MMACHC: variants seen among roughly 807,000 people sequenced by gnomAD.
MMACHC encodes the protein metabolism of cobalamin associated C.
Under a neutral mutation model 17.6 loss-of-function variants are expected in MMACHC, and 14 were observed. The ratio of observed to expected loss-of-function variants is 0.80; its 90% CI spans 0.53 to 1.25. The LOEUF is 1.25. MMACHC is among the 50% of genes most tolerant of loss of function. The pLI is 0.00. For synonymous variants in MMACHC, 151 were observed against 142.1 expected, an observed-to-expected ratio of 1.06 and a Z score of -0.45; for missense variants, 392 against 364.5, an observed-to-expected ratio of 1.08 and a Z score of -0.62.
intron 1 of MMACHC, among the ~76,000 whole-genome samples, chr1:45,503,432 T>C (rs1018028240): frequency 9.0e-5 from 1 of 11,144 alleles, no homozygotes; most frequent in Non-Finnish European, 1.3e-4. Context: ...AACTCTCTGC[T>C]TTTTTTTTTT....
In MMACHC at chr1:45,510,198, A is replaced by G. The variant is rs1224543572; in HGVS notation, c.*983A>G. 3 of 152,172 alleles carry G rather than the reference A, an allele frequency of 2.0e-5. No homozygotes were observed. The highest frequency in any genetic ancestry group is 1.3e-4 in the Admixed American group (2 of 15,266). The allele number at this position is 152,172 out of a possible 1,614,324, so 9.4% of individuals were successfully genotyped here. A position where few individuals can be genotyped will look rare whatever the true frequency, so the allele number is the denominator to read the frequency against. ...TTGGCCATTACCAAAGGCCCTGGGA[A>G]TTCTGTACTGCTGCTCATGGGTGTA... On this transcript the variant is annotated 3_prime_UTR_variant, in exon 4 of 4. Coordinates refer to ENST00000401061, the MANE Select transcript of MMACHC (RefSeq NM_015506.3).
In MMACHC at chr1:45,512,789, G is replaced by A. The variant is rs1469452154; in HGVS notation, c.*3574G>A. ...CTCCCACAAGGGGGCAGTCTCAGCA[G>A]GTGTCAGCTGAGCCATGTGTCATCT... On this transcript the variant is annotated 3_prime_UTR_variant, in exon 4 of 4. Transcript: ENST00000401061. 1 of 152,232 alleles carries A rather than the reference G, an allele frequency of 6.6e-6. No homozygotes were observed. Among genetic ancestry groups the A allele is most frequent in the African/African-American group, 2.4e-5 (1 of 41,436 alleles). 9.4% of individuals were successfully genotyped at this position (152,232 alleles called of 1,614,324 possible). A position where few individuals can be genotyped will look rare whatever the true frequency, so the allele number is the denominator to read the frequency against.
At chr1:45,508,408 G>A (rs767673924) in intron 3 of MMACHC, 44 bp downstream of exon 3, 2 of 1,606,690 alleles carry the variant, frequency 1.2e-6, no homozygotes, top group Admixed American at 3.3e-5. Context: ...GACTGGTAAA[G>A]GCCTCTCCCT....
rs1432739779 is a variant in MMACHC, at chr1:45,510,096, CCTACCTCAGGTAGGGA to C, written c.*884_*899del. On this transcript the variant is annotated 3_prime_UTR_variant, in exon 4 of 4. Transcript: ENST00000401061. Reference sequence around the variant, plus strand: ...TGTCTCAAAAAAAAAAAAAAAAGTACCTACCTCAGGTAGGGACTGAATAAACACGTGTAAGGCACTT... The same window carrying C: ...TGTCTCAAAAAAAAAAAAAAAAGTACCTGAATAAACACGTGTAAGGCACTT... The C allele has an allele frequency of 1.3e-5, 2 of 150,288 alleles. No homozygotes were observed. The highest frequency in any genetic ancestry group is 3.0e-5 in the Non-Finnish European group (2 of 67,660). The allele number at this position is 150,288 out of a possible 1,614,324, so 9.3% of individuals were successfully genotyped here.
rs1305170860 is a variant in MMACHC at position 45,508,909 on chromosome 1, CTG to C, written c.547_548del (p.Val183ThrfsTer5). 3.1e-6 allele frequency: 5 copies of C among 1,614,220 alleles called. No homozygotes were observed. Among genetic ancestry groups the C allele is most frequent in the Middle Eastern group, 1.6e-4 (1 of 6,062 alleles). ...PDLPPRKPHDCVPTRADRIAL... is the reference protein window; with the variant it reads ...PDLPPRKPHDXVPTRADRIAL... ...ATCTGCCACCCAGAAAACCTCATGA[CTG>C]TGTACCTACAAGAGCTGACCGTATC... On this transcript the variant is annotated frameshift_variant, in exon 4 of 4. Transcript: ENST00000401061. LOFTEE classifies it low-confidence loss of function (END_TRUNC).
chr1:45,503,282 C>T (rs577798346), intron 1 of MMACHC, among the ~76,000 whole-genome samples: 120 of 151,948 alleles, frequency 7.9e-4, no homozygotes, highest in Non-Finnish European at 1.1e-3. Flanking sequence ...CCTGTAATCC[C>T]GGCTACTCGG....
In MMACHC at chr1:45,508,847, C is replaced by G. The variant is rs370596113; in HGVS notation, c.481C>G (p.Arg161Gly). ...HPRFGGWFAI[R>G]GVVLLPGIEV... ...CCGATTTGGGGGCTGGTTTGCCATC[C>G]GAGGGGTAGTGCTGCTGCCAGGGAT... The change falls in exon 4 of 4, where the codon CGA becomes GGA. Residue 161 changes from arginine (R) to glycine (G), a missense_variant. By Grantham distance (125) the Arg-to-Gly change is moderately radical. Coordinates refer to ENST00000401061, the MANE Select transcript of MMACHC (RefSeq NM_015506.3). The G allele has an allele frequency of 3.7e-6, 6 of 1,614,020 alleles. No homozygotes were observed. In the African/African-American group the frequency reaches 8.0e-5, roughly 22 times the overall value.
intron 3 of MMACHC, 29 bp downstream of exon 3, chr1:45,508,393 A>C (rs1466825239): frequency 6.2e-7 from 1 of 1,613,376 alleles, no homozygotes; most frequent in Non-Finnish European, 8.5e-7. Flanking sequence ...ATAGAGGCTG[A>C]GATAGACTGG....
In MMACHC at chr1:45,509,468, C is replaced by T; in HGVS notation, c.*253C>T. ...TTACTCTGTCACCTAGGCTGGAGTG[C>T]AGTGGCACAGTCTCTACTCACTGCA... On this transcript the variant is annotated 3_prime_UTR_variant, in exon 4 of 4. Coordinates refer to ENST00000401061, the MANE Select transcript of MMACHC (RefSeq NM_015506.3). 1 of 423,520 alleles carries T rather than the reference C, an allele frequency of 2.4e-6. No homozygotes were observed. The allele number at this position is 423,520 out of a possible 1,614,324, so 26.2% of individuals were successfully genotyped here.
At position 45,509,978 on chromosome 1, in the gene MMACHC, G is replaced by C. The variant is rs544520513; in HGVS notation, c.*763G>C. On this transcript the variant is annotated 3_prime_UTR_variant, in exon 4 of 4. Coordinates refer to ENST00000401061, the MANE Select transcript of MMACHC (RefSeq NM_015506.3). ...TGTAGTCCCAGCTACTCAGGAGGCT[G>C]AGGCAGTAGAATCATTTGAACCAGG... The C allele has an allele frequency of 2.0e-5, 3 of 151,820 alleles. No individual in the cohort carries two copies. Among genetic ancestry groups the C allele is most frequent in the African/African-American group, 7.2e-5 (3 of 41,404 alleles). 9.4% of individuals were successfully genotyped at this position (151,820 alleles called of 1,614,324 possible).
Position 45,510,168 on chromosome 1 carries a change from G to C in MMACHC, c.*953G>C, listed in dbSNP as rs1433348557. 1 of 152,090 alleles carries C rather than the reference G, an allele frequency of 6.6e-6. No individual in the cohort carries two copies. The highest frequency in any genetic ancestry group is 2.4e-5 in the African/African-American group (1 of 41,406). The allele number at this position is 152,090 out of a possible 1,614,324, so 9.4% of individuals were successfully genotyped here. On this transcript the variant is annotated 3_prime_UTR_variant, in exon 4 of 4. Transcript: ENST00000401061. ...AAATACCTGGCATATATAGTAAGCA[G>C]TATGTTGGCCATTACCAAAGGCCCT...
chr1:45,504,556 TA>T (rs896649181), intron 1 of MMACHC, among the ~76,000 whole-genome samples: 1 of 152,050 alleles, frequency 6.6e-6, no homozygotes, highest in African/African-American at 2.4e-5. Context: ...TACAACAAAT[TA>T]TTTTTTTGTT....
chr1:45,501,069 A>C (rs1256115203), intron 1 of MMACHC, among the ~76,000 whole-genome samples: 3 of 152,090 alleles, frequency 2.0e-5, no homozygotes, highest in Non-Finnish European at 4.4e-5. Flanking sequence ...AAAGCCTAGA[A>C]GGTTTGCATA....
At chr1:45,503,708 G>A (rs546790245) in intron 1 of MMACHC, among the ~76,000 whole-genome samples, 2 of 152,260 alleles carry the variant, frequency 1.3e-5, no homozygotes, top group East Asian at 1.9e-4. Flanking sequence ...TGTTACAGCA[G>A]TAAAACCAGC....
Position 45,508,903 on chromosome 1 carries a change from T to C in MMACHC, c.537T>C (p.Pro179=). The C allele has an allele frequency of 1.2e-6, 2 of 1,614,120 alleles. No individual in the cohort carries two copies. The highest frequency in any genetic ancestry group is 1.7e-6 in the Non-Finnish European group (2 of 1,180,016). ...IEVPDLPPRK[P]HDCVPTRADR... is the part of the protein sequence containing the mutation. ...TGCCAGATCTGCCACCCAGAAAACC[T>C]CATGACTGTGTACCTACAAGAGCTG... Residue 179 remains proline, a synonymous_variant, in exon 4 of 4, where the codon CCT becomes CCC. Transcript: ENST00000401061.
At chr1:45,507,661 T>C (rs1158921089) in intron 2 of MMACHC, 111 bp downstream of exon 2, 4 of 1,231,392 alleles carry the variant, frequency 3.2e-6, no homozygotes, top group Non-Finnish European at 4.6e-6. Context: ...AAAGGTGAAA[T>C]GATACCCTAA....
At position 45,508,831 on chromosome 1, in the gene MMACHC, G is replaced by A. The variant is rs746802797; in HGVS notation, c.465G>A (p.Gly155=). Reference sequence around the variant, plus strand: ...GTGTGTGCATACACCCCCGATTTGGGGGCTGGTTTGCCATCCGAGGGGTAG... The same window carrying A: ...GTGTGTGCATACACCCCCGATTTGGAGGCTGGTTTGCCATCCGAGGGGTAG... ...ISGVCIHPRF[G]GWFAIRGVVL... Residue 155 remains glycine (G), a synonymous_variant, in exon 4 of 4, where the codon GGG becomes GGA. Transcript: ENST00000401061. 1 of 1,614,146 alleles carries A rather than the reference G, an allele frequency of 6.2e-7. No individual in the cohort carries two copies.
chr1:45,500,378 C>G lies in MMACHC; in HGVS notation c.46C>G (p.Leu16Val), dbSNP rs1197773707. 1 of 1,614,050 alleles carries G rather than the reference C, an allele frequency of 6.2e-7. No homozygotes were observed. The highest frequency in any genetic ancestry group is 1.3e-5 in the African/African-American group (1 of 74,930). ...GCTGAAGCAGAAGATCGAGGACACG[C>G]TATGTCCTTTTGGCTTCGAGGTTTA... ...AELKQKIEDT[L>V]CPFGFEVYPF... The change falls in exon 1 of 4, where the codon CTA becomes GTA. Residue 16 changes from leucine to valine, a missense_variant. Transcript: ENST00000401061.
In MMACHC at chr1:45,507,515, C is replaced by G. The variant is rs373246922; in HGVS notation, c.241C>G (p.Gln81Glu). 1.9e-5 allele frequency: 31 copies of G among 1,614,182 alleles called. No individual in the cohort carries two copies. Among genetic ancestry groups the G allele is most frequent in the Non-Finnish European group, 2.5e-5 (30 of 1,180,034 alleles). Residue 81 changes from glutamine (Q) to glutamate (E), a missense_variant, in exon 2 of 4, where the codon CAG becomes GAG. Transcript: ENST00000401061. ...HLRMLTDPVD[Q>E]CVAYHLGRVR... Reference sequence around the variant, plus strand: ...CCGAATGCTGACTGACCCAGTGGACCAGTGTGTGGCCTACCATCTGGGCCG... The same window carrying G: ...CCGAATGCTGACTGACCCAGTGGACGAGTGTGTGGCCTACCATCTGGGCCG...
Sources: gnomAD v4.1 joint callset for allele counts (sites outside exome capture counted in the v4.1 genomes callset) on GRCh38, gnomAD v4.1.1 for gene constraint, MANE v1.5 for transcripts, NCBI Gene and HGNC (gene_info 2026-07-23, HGNC 2026-07-21) for gene names.